Variants in BMPER observed in about 807,000 individuals in gnomAD.
BMPER encodes BMP binding endothelial regulator.
A neutral mutation model predicts 87.3 loss-of-function variants in BMPER; 45 were observed. That is an observed-to-expected ratio of 0.52 (90% CI 0.41 to 0.66). The LOEUF (loss-of-function observed/expected upper bound fraction) is 0.66, where lower values mean the gene tolerates loss of function less well. Ranked by LOEUF, BMPER falls within the 30% of genes least tolerant of loss-of-function variation. BMPER has a pLI of 0.00. For synonymous variants in BMPER, 326 were observed against 316.2 expected, an observed-to-expected ratio of 1.03 and a Z score of -0.33; for missense variants, 784 against 867.5, an observed-to-expected ratio of 0.90 and a Z score of 1.21.
chr7:34,007,764 T>C (rs1224914518), intron 6 of BMPER, among the ~76,000 whole-genome samples: 1 of 152,024 alleles, frequency 6.6e-6, no homozygotes, highest in Non-Finnish European at 1.5e-5. Context: ...AATTATATAA[T>C]TAGTATAGAT....
chr7:33,929,428 T>C lies in BMPER; in HGVS notation c.220-7861T>C, dbSNP rs542643012. 2.7e-4 allele frequency among the ~76,000 whole-genome samples: 41 copies of C among 152,314 alleles called. 1 individual carries two copies. In the South Asian group the frequency reaches 7.7e-3, roughly 28 times the overall value. ...GGCACTCAGAGACTGGGACTTGTTT[T>C]GAGTTTTTAAGTCAGAGATTTAATC... On this transcript the variant is annotated intron_variant, in intron 2 of 14. Transcript: ENST00000649409.
chr7:33,977,597 CA>C (rs1443713857), intron 6 of BMPER, among the ~76,000 whole-genome samples: 2 of 151,902 alleles, frequency 1.3e-5, no homozygotes, highest in Non-Finnish European at 1.5e-5. Context: ...TTCCCCTGTA[CA>C]AATGAAGACT....
intron 14 of BMPER, among the ~76,000 whole-genome samples, chr7:34,148,679 A>G (rs1256064941): frequency 6.6e-6 from 1 of 152,174 alleles, no homozygotes; most frequent in Middle Eastern, 3.2e-3. Flanking sequence ...GGGACATACC[A>G]GTCCTTAATA....
At chr7:34,090,794 T>G (rs1327789253) in intron 13 of BMPER, among the ~76,000 whole-genome samples, 8 of 152,184 alleles carry the variant, frequency 5.3e-5, no homozygotes, top group African/African-American at 1.9e-4. Flanking sequence ...TGAAGTGCAG[T>G]GAAGCCCAGA....
intron 6 of BMPER, among the ~76,000 whole-genome samples, chr7:33,996,671 T>C (rs1370584049): frequency 6.6e-6 from 1 of 152,218 alleles, no homozygotes; most frequent in East Asian, 1.9e-4. Flanking sequence ...GTGAGCCACA[T>C]ATGCAATTTT....
intron 6 of BMPER, among the ~76,000 whole-genome samples, chr7:33,983,913 T>C (rs1180707948): frequency 6.6e-6 from 1 of 152,160 alleles, no homozygotes; most frequent in Non-Finnish European, 1.5e-5. Context: ...TAAATTACAC[T>C]TCCTCTCTCC....
At chr7:34,047,820 T>TTCCTTCCTTCCTTCCTTCC (rs1562709450) in intron 7 of BMPER, among the ~76,000 whole-genome samples, 6 of 134,226 alleles carry the variant, frequency 4.5e-5, no homozygotes, top group African/African-American at 5.5e-5. Context: ...TCTTCCTCAC[T>TTCCTTCCTTCCTTCCTTCC]TTCCTACTTT....
intron 13 of BMPER, among the ~76,000 whole-genome samples, chr7:34,132,271 C>T (rs767169543): frequency 6.4e-4 from 97 of 152,034 alleles, no homozygotes; most frequent in Non-Finnish European, 1.2e-3. Context: ...GAGCTAGTGC[C>T]CCCTTAATAT....
intron 6 of BMPER, among the ~76,000 whole-genome samples, chr7:34,033,072 G>T (rs1229896036): frequency 2.0e-5 from 3 of 152,122 alleles, no homozygotes; most frequent in South Asian, 2.1e-4. Context: ...ATGCATTTTA[G>T]GCAAAGTATA....
In BMPER at chr7:33,905,716, C is replaced by G. The variant is rs748692727; in HGVS notation, c.103C>G (p.Pro35Ala). Residue 35 changes from proline (P) to alanine (A), a missense_variant, in exon 1 of 15, where the codon CCC becomes GCC. Coordinates refer to ENST00000649409, the MANE Select transcript of BMPER (RefSeq NM_001365308.1). ...VLLLLNCSGV[P>A]MSLASSFLTG... Reference sequence around the variant, plus strand: ...GCTGCTACTCAATTGCTCGGGGGTCCCCATGTCTCTGGCTTCCTCCTTCTT... The same window carrying G: ...GCTGCTACTCAATTGCTCGGGGGTCGCCATGTCTCTGGCTTCCTCCTTCTT... 17 of 1,613,106 alleles carry G rather than the reference C, an allele frequency of 1.1e-5. No individual in the cohort carries two copies. Among genetic ancestry groups the G allele is most frequent in the Non-Finnish European group, 1.4e-5 (16 of 1,179,884 alleles).
At chr7:33,978,354 A>G (rs995608076) in intron 6 of BMPER, among the ~76,000 whole-genome samples, 1 of 152,182 alleles carries the variant, frequency 6.6e-6, no homozygotes, top group Non-Finnish European at 1.5e-5. Flanking sequence ...TGTTCTTTGT[A>G]AGTTACCCAC....
chr7:34,091,825 T>C (rs997467728), intron 13 of BMPER, among the ~76,000 whole-genome samples: 2 of 152,222 alleles, frequency 1.3e-5, no homozygotes, highest in African/African-American at 4.8e-5. Context: ...ACAGCTCCAG[T>C]TTCATCCTAG....
chr7:34,129,630 G>GAGAAAGAAAGAGAGAA (rs1790516321), intron 13 of BMPER, among the ~76,000 whole-genome samples: 10 of 56,306 alleles, frequency 1.8e-4, no homozygotes, highest in African/African-American at 6.9e-4. Context: ...GAGAGAAAGA[G>GAGAAAGAAAGAGAGAA]AGAAAGAAAG....
intron 11 of BMPER, among the ~76,000 whole-genome samples, chr7:34,065,203 ACTCTCTCTCTCTCTCTCT>A (rs70997564): frequency 6.2e-5 from 6 of 97,344 alleles, no homozygotes; most frequent in South Asian, 3.9e-4. Context: ...ATACACACTC[ACTCTCTCTCTCTCTCTCT>A]CTCTCTCTCT....
intron 3 of BMPER, among the ~76,000 whole-genome samples, chr7:33,960,166 T>C (rs530236355): frequency 1.3e-5 from 2 of 152,348 alleles, no homozygotes; most frequent in Non-Finnish European, 1.5e-5. Flanking sequence ...TGGGCCTGAT[T>C]CTTTCTCTTG....
intron 13 of BMPER, among the ~76,000 whole-genome samples, chr7:34,087,660 G>C (rs904875891): frequency 6.6e-6 from 1 of 152,156 alleles, no homozygotes; most frequent in African/African-American, 2.4e-5. Flanking sequence ...TTTCTTCCGT[G>C]ATTAATTCAG....
At chr7:33,927,128 C>T (rs1562634706) in intron 2 of BMPER, among the ~76,000 whole-genome samples, 1 of 152,232 alleles carries the variant, frequency 6.6e-6, no homozygotes, top group Non-Finnish European at 1.5e-5. Context: ...GGGCTGTGAG[C>T]GGCTCCTCCG....
chr7:33,911,989 A>T (rs919422774), intron 2 of BMPER, among the ~76,000 whole-genome samples: 4 of 152,180 alleles, frequency 2.6e-5, no homozygotes, highest in African/African-American at 9.7e-5. Context: ...TTTGTCAGAA[A>T]TGTTTAGTGA....
rs144636223 is a variant in BMPER, at chr7:34,115,250, T to C, written c.1746-27980T>C. ...AGTGCAAAAGTATTTAGAAATACAA[T>C]GATTATTTTAGGAGAGAGATAACTA... On this transcript the variant is annotated intron_variant, in intron 13 of 14. Transcript: ENST00000649409. 4.8e-3 allele frequency among the ~76,000 whole-genome samples: 730 copies of C among 152,316 alleles called. 5 individuals carry two copies. Among genetic ancestry groups the C allele is most frequent in the African/African-American group, 0.016 (652 of 41,576 alleles).
Sources: allele counts gnomAD v4.1 joint callset (sites outside exome capture counted in the v4.1 genomes callset), GRCh38; gene constraint gnomAD v4.1.1; transcripts MANE v1.5; gene names NCBI Gene and HGNC (gene_info 2026-07-23, HGNC 2026-07-21).